The following PALM2AKAP2 variants were observed in gnomAD, a reference collection of about 807,000 sequenced individuals.
The protein encoded by PALM2AKAP2 is PALM2 and AKAP2 fusion.
Under a neutral mutation model 71.5 loss-of-function variants are expected in PALM2AKAP2, and 37 were observed. That is an observed-to-expected ratio of 0.52 (90% CI 0.40 to 0.68). The LOEUF is 0.68. Ranked by LOEUF, PALM2AKAP2 falls within the 30% of genes least tolerant of loss-of-function variation. The pLI is 0.00. For synonymous variants in PALM2AKAP2, 468 were observed against 478.8 expected, an observed-to-expected ratio of 0.98 and a Z score of 0.29; for missense variants, 1,224 against 1,191.8, an observed-to-expected ratio of 1.03 and a Z score of -0.40.
At chr9:109,674,588 G>A (rs1018027828) in intron 1 of PALM2AKAP2, among the ~76,000 whole-genome samples, 1 of 151,964 alleles carries the variant, frequency 6.6e-6, no homozygotes, top group Non-Finnish European at 1.5e-5. Context: ...TTCTTCTAAT[G>A]TGTGGACCTT....
chr9:109,707,301 G>T (rs1215291943), intron 1 of PALM2AKAP2, among the ~76,000 whole-genome samples: 1 of 152,036 alleles, frequency 6.6e-6, no homozygotes, highest in Non-Finnish European at 1.5e-5. Context: ...AGTCTTGGTG[G>T]AGTGCATCAG....
chr9:109,731,867 C>G (rs1828561034), intron 1 of PALM2AKAP2, among the ~76,000 whole-genome samples: 1 of 152,058 alleles, frequency 6.6e-6, no homozygotes, highest in Non-Finnish European at 1.5e-5. Flanking sequence ...AGGGTAAGAT[C>G]TGTGTCTTGT....
chr9:110,032,435 G>A (rs1380792779), intron 7 of PALM2AKAP2, among the ~76,000 whole-genome samples: 1 of 152,092 alleles, frequency 6.6e-6, no homozygotes, highest in Non-Finnish European at 1.5e-5. Flanking sequence ...GCTTACGCCT[G>A]TAATCCCAGC....
At chr9:110,012,878 C>T (rs1164005388) in intron 6 of PALM2AKAP2, among the ~76,000 whole-genome samples, 1 of 152,184 alleles carries the variant, frequency 6.6e-6, no homozygotes, top group Non-Finnish European at 1.5e-5. Flanking sequence ...AAAACCAACA[C>T]TTGTGAATGA....
intron 1 of PALM2AKAP2, among the ~76,000 whole-genome samples, chr9:110,124,704 T>C (rs886670362): frequency 3.9e-5 from 6 of 152,206 alleles, no homozygotes; most frequent in Non-Finnish European, 5.9e-5. Context: ...CAGAGGACTG[T>C]TGTTAGCCAT....
intron 1 of PALM2AKAP2, among the ~76,000 whole-genome samples, chr9:109,860,028 A>G (rs1829268506): frequency 6.6e-6 from 1 of 152,244 alleles, no homozygotes; most frequent in Non-Finnish European, 1.5e-5. Flanking sequence ...CTGAATAGAA[A>G]TCAGGATTAT....
intron 1 of PALM2AKAP2, among the ~76,000 whole-genome samples, chr9:110,052,188 C>T (rs1407802038): frequency 6.6e-6 from 1 of 152,192 alleles, no homozygotes; most frequent in Non-Finnish European, 1.5e-5. Context: ...AGGCATGAGC[C>T]ATCATGCCCG....
At chr9:109,696,323 A>G (rs1827969860) in intron 1 of PALM2AKAP2, among the ~76,000 whole-genome samples, 1 of 152,234 alleles carries the variant, frequency 6.6e-6, no homozygotes, top group African/African-American at 2.4e-5. Context: ...AAATAAAAAT[A>G]GCTTTAAAAC....
chr9:109,824,849 A>G (rs551576210), intron 1 of PALM2AKAP2, among the ~76,000 whole-genome samples: 2 of 152,340 alleles, frequency 1.3e-5, no homozygotes, highest in African/African-American at 4.8e-5. Context: ...TCTTGGGGAT[A>G]CTGTTTTGTT....
In PALM2AKAP2 at chr9:110,136,715, C is replaced by T. The variant is rs146218630; in HGVS notation, c.745C>T (p.Arg249Trp). 61 of 1,614,080 alleles carry T rather than the reference C, an allele frequency of 3.8e-5. 1 individual carries two copies. The highest frequency in any genetic ancestry group is 3.7e-4 in the South Asian group (34 of 91,088). The change falls in exon 2 of 4, where the codon CGG becomes TGG. Residue 249 changes from arginine to tryptophan, a missense_variant. Transcript: ENST00000374525. ...CAGCCCCAGCTCCACAACCAGCTCA[C>T]GGTGTTCTTCCCGAGATGGAGAGTT...
chr9:109,888,727 A>AT (rs1463680800), intron 3 of PALM2AKAP2, among the ~76,000 whole-genome samples: 1 of 151,364 alleles, frequency 6.6e-6, no homozygotes, highest in Non-Finnish European at 1.5e-5. Flanking sequence ...AAAAAAAAAA[A>AT]AAAAAGAATA....
intron 3 of PALM2AKAP2, among the ~76,000 whole-genome samples, chr9:109,884,072 A>T (rs886277295): frequency 1.3e-5 from 2 of 152,260 alleles, no homozygotes; most frequent in Non-Finnish European, 2.9e-5. Flanking sequence ...GGGATGAATA[A>T]TTCAGTTTTC....
At chr9:110,041,974 C>A (rs1833517600) in intron 7 of PALM2AKAP2, among the ~76,000 whole-genome samples, 1 of 152,206 alleles carries the variant, frequency 6.6e-6, no homozygotes, top group South Asian at 2.1e-4. Flanking sequence ...ATCTTAAAAG[C>A]TGACCACCTT....
intron 3 of PALM2AKAP2, among the ~76,000 whole-genome samples, chr9:109,885,415 G>A: frequency 6.6e-6 from 1 of 152,140 alleles, no homozygotes; most frequent in Non-Finnish European, 1.5e-5. Flanking sequence ...TAGGAAATTT[G>A]GATTTAGTGA....
intron 1 of PALM2AKAP2, among the ~76,000 whole-genome samples, chr9:109,688,707 A>G (rs1287341158): frequency 1.3e-5 from 2 of 152,258 alleles, no homozygotes; most frequent in Non-Finnish European, 2.9e-5. Context: ...TTAAGCTTGC[A>G]GTATGAGTAG....
At chr9:109,649,181 T>C (rs1196715768) in intron 1 of PALM2AKAP2, among the ~76,000 whole-genome samples, 1 of 152,100 alleles carries the variant, frequency 6.6e-6, no homozygotes, top group East Asian at 1.9e-4. Context: ...AAAATGGTAG[T>C]TCCTTTGTTC....
chr9:110,133,120 C>G (rs1190696903), intron 1 of PALM2AKAP2, among the ~76,000 whole-genome samples: 1 of 152,144 alleles, frequency 6.6e-6, no homozygotes, highest in Admixed American at 6.5e-5. Flanking sequence ...TTGGAAAGAG[C>G]TGATACAATT....
intron 6 of PALM2AKAP2, chr9:109,944,601 A>T (rs996388298): frequency 2.0e-5 from 3 of 152,220 alleles, no homozygotes; most frequent in Non-Finnish European, 4.4e-5. Flanking sequence ...AAAATTAAGA[A>T]AGACCTATCT....
chr9:110,172,304 T>A (rs1229049890), exon 4 of PALM2AKAP2: 1 of 152,616 alleles, frequency 6.6e-6, no homozygotes, highest in Non-Finnish European at 1.5e-5. Flanking sequence ...CCCAAATTAT[T>A]TTTTCTTTGT....
Sources: allele counts gnomAD v4.1 joint callset (sites outside exome capture counted in the v4.1 genomes callset), GRCh38; gene constraint gnomAD v4.1.1; transcripts MANE v1.5; gene names NCBI Gene and HGNC (gene_info 2026-07-23, HGNC 2026-07-21).